The following CHN2 variants were observed in gnomAD, a reference collection of about 807,000 sequenced individuals.
CHN2 encodes the protein chimerin 2, also known as beta-chimaerin.
Under a neutral mutation model 56.3 loss-of-function variants are expected in CHN2, and 35 were observed. The ratio of observed to expected loss-of-function variants is 0.62; its 90% CI spans 0.47 to 0.82. The LOEUF is 0.82. CHN2 is among the 40% of genes least tolerant of loss of function. CHN2 has a pLI of 0.00. For missense variants in CHN2, 491 were observed against 580.5 expected, an observed-to-expected ratio of 0.85 and a Z score of 1.58; for synonymous variants, 210 against 212.8, an observed-to-expected ratio of 0.99 and a Z score of 0.12.
intron 6 of CHN2, among the ~76,000 whole-genome samples, chr7:29,475,854 T>C (rs4722911): frequency 0.66 from 100,059 of 152,092 alleles, 33,010 homozygotes; most frequent in East Asian, 0.77. Context: ...AGAAAGCAGA[T>C]TGGTGTTTGC....
chr7:29,280,964 C>T (rs1022754440), intron 1 of CHN2, among the ~76,000 whole-genome samples: 4 of 152,056 alleles, frequency 2.6e-5, no homozygotes, highest in African/African-American at 4.8e-5. Flanking sequence ...GGCATGGTGG[C>T]GCATGCCTGT....
intron 1 of CHN2, among the ~76,000 whole-genome samples, chr7:29,340,671 G>T (rs116692764): frequency 3.5e-4 from 54 of 152,292 alleles, no homozygotes; most frequent in African/African-American, 1.2e-3. Flanking sequence ...CACCTCCCCA[G>T]GGAGAAAATA....
At chr7:29,247,837 C>T (rs1788191928) in intron 1 of CHN2, among the ~76,000 whole-genome samples, 1 of 152,248 alleles carries the variant, frequency 6.6e-6, no homozygotes, top group African/African-American at 2.4e-5. Context: ...AATCATGCAA[C>T]CCCCAAATCC....
intron 1 of CHN2, among the ~76,000 whole-genome samples, chr7:29,241,478 G>T (rs1042453252): frequency 6.6e-6 from 1 of 151,884 alleles, no homozygotes; most frequent in Non-Finnish European, 1.5e-5. Flanking sequence ...CAGTGCACAG[G>T]CTGGTTAGAG....
At chr7:29,207,601 A>G (rs1317402818) in intron 1 of CHN2, among the ~76,000 whole-genome samples, 2 of 152,134 alleles carry the variant, frequency 1.3e-5, no homozygotes, top group Non-Finnish European at 2.9e-5. Flanking sequence ...CCACAACTCT[A>G]TGGCCTCGAA....
intron 3 of CHN2, among the ~76,000 whole-genome samples, chr7:29,377,984 C>T (rs1800204401): frequency 6.6e-6 from 1 of 152,148 alleles, no homozygotes; most frequent in Non-Finnish European, 1.5e-5. Flanking sequence ...AATTACACAT[C>T]GATTGTTTGA....
At chr7:29,446,081 A>G (rs1784015136) in intron 6 of CHN2, among the ~76,000 whole-genome samples, 1 of 152,170 alleles carries the variant, frequency 6.6e-6, no homozygotes, top group South Asian at 2.1e-4. Context: ...CAATTACATC[A>G]GAAACTCTGG....
chr7:29,509,793 C>T (rs55990164), intron 12 of CHN2: 17,445 of 155,236 alleles, frequency 0.11, 1,249 homozygotes, highest in Admixed American at 0.22. Context: ...GGCAGTGAGC[C>T]GAGATCGTGC....
At chr7:29,308,657 C>T (rs1396666986) in intron 1 of CHN2, among the ~76,000 whole-genome samples, 3 of 152,182 alleles carry the variant, frequency 2.0e-5, no homozygotes, top group Non-Finnish European at 2.9e-5. Flanking sequence ...TGAACATCAC[C>T]TGGGCCACAT....
chr7:29,385,136 C>A (rs780803527), intron 3 of CHN2, among the ~76,000 whole-genome samples: 22 of 152,062 alleles, frequency 1.4e-4, no homozygotes, highest in Non-Finnish European at 3.2e-4. Context: ...AGTTGGAGGT[C>A]TCTCACCAGT....
chr7:29,440,901 A>T (rs1258111908), intron 6 of CHN2, among the ~76,000 whole-genome samples: 2 of 151,632 alleles, frequency 1.3e-5, no homozygotes. Context: ...AGATACTAGA[A>T]CTTATTTTTT....
chr7:29,418,201 A>AT (rs1159022302), intron 6 of CHN2, among the ~76,000 whole-genome samples: 3 of 152,234 alleles, frequency 2.0e-5, no homozygotes. Flanking sequence ...TGTTTCATGC[A>AT]TTTTCCCTCA....
intron 3 of CHN2, among the ~76,000 whole-genome samples, chr7:29,387,645 G>A (rs1398122255): frequency 1.3e-5 from 2 of 152,200 alleles, no homozygotes; most frequent in African/African-American, 2.4e-5. Flanking sequence ...CTGAGTAGCA[G>A]GGTGCTGAAA....
At chr7:29,290,043 T>C (rs927816020) in intron 1 of CHN2, among the ~76,000 whole-genome samples, 4 of 152,216 alleles carry the variant, frequency 2.6e-5, no homozygotes, top group Admixed American at 2.0e-4. Flanking sequence ...AAGTTCAAGG[T>C]ATTAGAATTT....
chr7:29,269,459 A>T (rs1305304254), intron 1 of CHN2, among the ~76,000 whole-genome samples: 1 of 152,164 alleles, frequency 6.6e-6, no homozygotes, highest in African/African-American at 2.4e-5. Context: ...CTGTTGATGG[A>T]CACTTAGGTT....
Position 29,281,459 on chromosome 7 carries a change from G to T in CHN2, c.50-73166G>T, listed in dbSNP as rs528075631. 7.0e-4 allele frequency among the ~76,000 whole-genome samples: 107 copies of T among 152,282 alleles called. No individual in the cohort carries two copies. In the South Asian group the frequency reaches 9.1e-3, roughly 13 times the overall value. The stretch of plus-strand genomic sequence containing the variant: ...GTGCTGCCTCATTTCACACACATGT[G>T]AGTGTATCTATAGGATAAATCCCTA... On this transcript the variant is annotated intron_variant, in intron 1 of 12. Transcript: ENST00000222792.
At chr7:29,399,685 A>G (rs1047623227) in intron 5 of CHN2, among the ~76,000 whole-genome samples, 1 of 152,134 alleles carries the variant, frequency 6.6e-6, no homozygotes, top group Non-Finnish European at 1.5e-5. Flanking sequence ...CCAGGCCCAC[A>G]ATGGTGTGTT....
At chr7:29,368,263 A>G (rs981909271) in intron 3 of CHN2, among the ~76,000 whole-genome samples, 3 of 152,056 alleles carry the variant, frequency 2.0e-5, no homozygotes, top group African/African-American at 7.2e-5. Flanking sequence ...TGTATTCTGG[A>G]TGTTTTCTTT....
At chr7:29,375,455 C>T (rs1800002375) in intron 3 of CHN2, among the ~76,000 whole-genome samples, 1 of 152,182 alleles carries the variant, frequency 6.6e-6, no homozygotes, top group Non-Finnish European at 1.5e-5. Context: ...CTCGGCCTCC[C>T]AAAGTGCTGG....
Sources: allele counts gnomAD v4.1 joint callset (sites outside exome capture counted in the v4.1 genomes callset), GRCh38; gene constraint gnomAD v4.1.1; transcripts MANE v1.5; gene names NCBI Gene and HGNC (gene_info 2026-07-23, HGNC 2026-07-21).